The following RPP14 variants were observed in gnomAD, a reference collection of about 807,000 sequenced individuals.
The protein encoded by RPP14 is ribonuclease P protein subunit p14.
RPP14 carries 19 observed loss-of-function variants against 17.8 expected under a neutral mutation model. The ratio of observed to expected loss-of-function variants is 1.07; its 90% CI spans 0.74 to 1.57. The LOEUF is 1.57. RPP14 is among the 40% of genes most tolerant of loss of function. The pLI, the probability that RPP14 is intolerant of heterozygous loss-of-function variation, is 0.00. For synonymous variants in RPP14, 60 were observed against 56.4 expected, an observed-to-expected ratio of 1.06 and a Z score of -0.29; for missense variants, 125 against 140.8, an observed-to-expected ratio of 0.89 and a Z score of 0.57.
At position 58,318,368 on chromosome 3, in the gene RPP14, A is replaced by T. The variant is rs1203724759; in HGVS notation, c.*872A>T. The T allele has an allele frequency of 2.9e-6, 1 of 348,790 alleles. No homozygotes were observed. Among genetic ancestry groups the T allele is most frequent in the South Asian group, 6.3e-5 (1 of 15,852 alleles). The allele number at this position is 348,790 out of a possible 1,614,324, so 21.6% of individuals were successfully genotyped here. On this transcript the variant is annotated 3_prime_UTR_variant, in exon 6 of 6. Transcript: ENST00000295959. ...TTGTTTGTTTTTTGTTTTTTAATTC[A>T]AGAAGTAGGCTGGGCCCGGTGGCTC...
At chr3:58,306,986 A>T (rs2097475898) in intron 1 of RPP14, among the ~76,000 whole-genome samples, 1 of 152,210 alleles carries the variant, frequency 6.6e-6, no homozygotes, top group African/African-American at 2.4e-5. Flanking sequence ...CACTGGGCCA[A>T]CCCGATTGAG....
At chr3:58,314,194 T>A (rs1326867288) in intron 3 of RPP14, among the ~76,000 whole-genome samples, 1 of 151,796 alleles carries the variant, frequency 6.6e-6, no homozygotes, top group Non-Finnish European at 1.5e-5. Flanking sequence ...CTGCTAAAGC[T>A]ATAAAAACTA....
At chr3:58,308,288 G>T (rs1251075328) in intron 1 of RPP14, among the ~76,000 whole-genome samples, 1 of 151,826 alleles carries the variant, frequency 6.6e-6, no homozygotes, top group Non-Finnish European at 1.5e-5. Flanking sequence ...AGTATTTTTT[G>T]TTTGTTTGTT....
At chr3:58,310,070 C>T (rs542954165) in intron 1 of RPP14, 28 of 441,360 alleles carry the variant, frequency 6.3e-5, no homozygotes, top group South Asian at 2.2e-4. Context: ...TGTGGTGGCA[C>T]GTGCCTATAC....
In RPP14 at chr3:58,317,459, C is replaced by G. The variant is rs2097489482; in HGVS notation, c.338C>G (p.Ala113Gly). Residue 113 changes from alanine to glycine, a missense_variant, in exon 6 of 6, where the codon GCA becomes GGA. By Grantham distance (60) the Ala-to-Gly change is moderately conservative. Coordinates refer to ENST00000295959, the MANE Select transcript of RPP14 (RefSeq NM_007042.6). ...RVIQVSPFLL[A>G]LSGNSRELVL... ...TTCTAGGTTTCTCCATTTCTTCTTG[C>G]ATTATCTGGTAATAGTAGGGAACTA... is the stretch of plus-strand genomic sequence containing the variant. The G allele has an allele frequency of 6.2e-7, 1 of 1,601,296 alleles. No individual in the cohort carries two copies. Among genetic ancestry groups the G allele is most frequent in the Non-Finnish European group, 8.6e-7 (1 of 1,169,432 alleles).
Position 58,317,650 on chromosome 3 carries a change from G to T in RPP14, c.*154G>T. 1 of 714,578 alleles carries T rather than the reference G, an allele frequency of 1.4e-6. No individual in the cohort carries two copies. The highest frequency in any genetic ancestry group is 2.5e-6 in the Non-Finnish European group (1 of 394,250). 44.3% of individuals were successfully genotyped at this position (714,578 alleles called of 1,614,324 possible). ...AATTTCCAGCCATCACCTTTGGTGG[G>T]GTGGGCTTCGGAGGACAGTCTGTCT... On this transcript the variant is annotated 3_prime_UTR_variant, in exon 6 of 6. Transcript: ENST00000295959.
chr3:58,314,836 C>T lies in RPP14; in HGVS notation c.163-1679C>T, dbSNP rs1575546973. 3.9e-5 allele frequency among the ~76,000 whole-genome samples: 6 copies of T among 152,022 alleles called. No individual in the cohort carries two copies. In the South Asian group the frequency reaches 1.2e-3, roughly 32 times the overall value. ...AGTAGCTAGGACTACAGGCACACAC[C>T]ACCACACCCAGCTAATTTTTTTGTA... On this transcript the variant is annotated intron_variant, in intron 3 of 5. Coordinates refer to ENST00000295959, the MANE Select transcript of RPP14 (RefSeq NM_007042.6).
chr3:58,315,479 A>G (rs964379631), intron 3 of RPP14, among the ~76,000 whole-genome samples: 1 of 152,140 alleles, frequency 6.6e-6, no homozygotes, highest in Non-Finnish European at 1.5e-5. Flanking sequence ...ATATGAAGCT[A>G]CCTATGTGGG....
At chr3:58,312,981 G>T (rs1186287483) in intron 3 of RPP14, among the ~76,000 whole-genome samples, 5 of 103,412 alleles carry the variant, frequency 4.8e-5, no homozygotes, top group African/African-American at 1.2e-4. Flanking sequence ...AAAAAAAAAA[G>T]GGCTGGGCAC....
At chr3:58,307,017 G>T (rs528455189) in intron 1 of RPP14, among the ~76,000 whole-genome samples, 1 of 152,374 alleles carries the variant, frequency 6.6e-6, no homozygotes, top group South Asian at 2.1e-4. Flanking sequence ...AGCCAGGAAG[G>T]GGGCAAGGGT....
chr3:58,316,065 T>C (rs1349834862), intron 3 of RPP14, among the ~76,000 whole-genome samples: 1 of 152,248 alleles, frequency 6.6e-6, no homozygotes, highest in East Asian at 1.9e-4. Flanking sequence ...TGTGTACCTG[T>C]GTGTCAGGTA....
intron 1 of RPP14, among the ~76,000 whole-genome samples, chr3:58,308,365 C>T (rs2097477994): frequency 6.6e-6 from 1 of 152,232 alleles, no homozygotes; most frequent in African/African-American, 2.4e-5. Context: ...TGCACTGTAT[C>T]CTTAACCTCC....
At chr3:58,309,497 G>A (rs757570349) in intron 1 of RPP14, among the ~76,000 whole-genome samples, 4 of 152,222 alleles carry the variant, frequency 2.6e-5, no homozygotes, top group Non-Finnish European at 5.9e-5. Flanking sequence ...TAAGAGTACA[G>A]TGATTTGACA....
At chr3:58,315,936 A>G (rs1272848525) in intron 3 of RPP14, 1 of 152,378 alleles carries the variant, frequency 6.6e-6, no homozygotes, top group Non-Finnish European at 1.5e-5. Flanking sequence ...TTGGCCTCCC[A>G]AAGTGCCGGG....
At chr3:58,316,070 C>G (rs556795948) in intron 3 of RPP14, among the ~76,000 whole-genome samples, 12 of 152,162 alleles carry the variant, frequency 7.9e-5, no homozygotes, top group South Asian at 2.1e-4. Context: ...ACCTGTGTGT[C>G]AGGTAGAAAA....
At chr3:58,311,117 A>T (rs115430781) in intron 3 of RPP14, among the ~76,000 whole-genome samples, 1 of 147,478 alleles carries the variant, frequency 6.8e-6, no homozygotes, top group Non-Finnish European at 1.5e-5. Flanking sequence ...TCTACTTTCT[A>T]TCCTCATGAA....
intron 5 of RPP14, 139 bp downstream of exon 5, chr3:58,317,132 AT>A (rs2097489149): frequency 1.5e-6 from 1 of 663,950 alleles, no homozygotes; most frequent in African/African-American, 1.8e-5. Context: ...AAAGGACTTG[AT>A]TGTTTCCAAA....
chr3:58,314,366 A>G (rs540537824), intron 3 of RPP14, among the ~76,000 whole-genome samples: 96 of 152,290 alleles, frequency 6.3e-4, no homozygotes, highest in African/African-American at 2.2e-3. Context: ...AATAATAGTA[A>G]TAATAATAAA....
chr3:58,309,042 C>T (rs2097478996), intron 1 of RPP14, among the ~76,000 whole-genome samples: 1 of 152,196 alleles, frequency 6.6e-6, no homozygotes, highest in Non-Finnish European at 1.5e-5. Context: ...TTCTCAACCC[C>T]TGTGCTGTTT....
Sources: allele counts gnomAD v4.1 joint callset (sites outside exome capture counted in the v4.1 genomes callset), GRCh38; gene constraint gnomAD v4.1.1; transcripts MANE v1.5; gene names NCBI Gene and HGNC (gene_info 2026-07-23, HGNC 2026-07-21).